SLC10A7: variants seen among roughly 807,000 people sequenced by gnomAD.
The protein encoded by SLC10A7 is solute carrier family 10 member 7, also known as sodium/bile acid cotransporter 7.
SLC10A7 carries 29 observed loss-of-function variants against 43.2 expected under a neutral mutation model. The ratio of observed to expected loss-of-function variants is 0.67; its 90% CI spans 0.50 to 0.92. The LOEUF is 0.92. SLC10A7 is among the 40% of genes least tolerant of loss of function. The pLI is 0.00. For synonymous variants in SLC10A7, 152 were observed against 144.8 expected (o/e 1.05, Z -0.35); for missense variants, 295 against 403.2 (o/e 0.73, Z 2.30).
chr4:146,418,028 A>ATGG (rs1728698390), intron 5 of SLC10A7, among the ~76,000 whole-genome samples: 1 of 151,742 alleles, frequency 6.6e-6, no homozygotes, highest in Non-Finnish European at 1.5e-5. Context: ...GATGATGATG[A>ATGG]TGATGATGAT....
chr4:146,442,059 A>G, intron 5 of SLC10A7: 1 of 978,830 alleles, frequency 1.0e-6, no homozygotes, highest in Non-Finnish European at 1.2e-6. Flanking sequence ...TAACTTCAGG[A>G]ATTTAACAAA....
chr4:146,470,500 A>T (rs951035858), intron 4 of SLC10A7, among the ~76,000 whole-genome samples: 1 of 152,064 alleles, frequency 6.6e-6, no homozygotes, highest in Non-Finnish European at 1.5e-5. Flanking sequence ...AACTACAAAG[A>T]AGGACTGCTC....
chr4:146,446,792 CTATT>C (rs1241365544), intron 4 of SLC10A7, among the ~76,000 whole-genome samples: 9 of 140,760 alleles, frequency 6.4e-5, no homozygotes, highest in South Asian at 2.3e-4. Context: ...ATCTATCTAT[CTATT>C]TATCTATCTA....
intron 5 of SLC10A7, among the ~76,000 whole-genome samples, chr4:146,391,497 G>C (rs1738425987): frequency 6.6e-6 from 1 of 152,170 alleles, no homozygotes; most frequent in Non-Finnish European, 1.5e-5. Flanking sequence ...AATTTGAGTT[G>C]AGAAATAAAG....
chr4:146,346,223 G>A (rs905536796), intron 5 of SLC10A7, among the ~76,000 whole-genome samples: 1 of 152,070 alleles, frequency 6.6e-6, no homozygotes, highest in Non-Finnish European at 1.5e-5. Flanking sequence ...GGAACTGTGT[G>A]GAATAAGTTC....
chr4:146,427,410 T>C (rs985072580), intron 5 of SLC10A7, among the ~76,000 whole-genome samples: 6 of 152,206 alleles, frequency 3.9e-5, no homozygotes, highest in African/African-American at 1.4e-4. Flanking sequence ...TGGTTTGCAC[T>C]GGTAGGAGTT....
intron 10 of SLC10A7, among the ~76,000 whole-genome samples, chr4:146,267,329 C>A (rs974701771): frequency 6.6e-6 from 1 of 152,144 alleles, no homozygotes; most frequent in Non-Finnish European, 1.5e-5. Context: ...CAGGTTTAGT[C>A]TGCACAGCCC....
intron 5 of SLC10A7, among the ~76,000 whole-genome samples, chr4:146,374,659 C>CAT (rs780184738): frequency 3.4e-5 from 4 of 116,042 alleles, no homozygotes; most frequent in East Asian, 2.1e-4. Flanking sequence ...CACACACACA[C>CAT]ACATATATAT....
At chr4:146,379,851 A>G (rs1272361774) in intron 5 of SLC10A7, among the ~76,000 whole-genome samples, 1 of 152,142 alleles carries the variant, frequency 6.6e-6, no homozygotes, top group East Asian at 1.9e-4. Context: ...GATAGCTTGA[A>G]GAATGGCCCC....
rs181019082 is a variant in SLC10A7 at position 146,423,609 on chromosome 4, C to T, written c.435+19174G>A. ...AAAGCGAGGTGGTAAAAAAGATCAACGAAGAAAAAGAAACCCAACTAACAA... is the reference window on the plus strand; with the variant it reads ...AAAGCGAGGTGGTAAAAAAGATCAATGAAGAAAAAGAAACCCAACTAACAA... On this transcript the variant is annotated intron_variant, in intron 5 of 11. Transcript: ENST00000335472. Among the ~76,000 whole-genome samples the T allele has an allele frequency of 7.9e-5, 12 of 151,996 alleles. No homozygotes were observed. The East Asian group carries it at 9.6e-4, about 12-fold the overall frequency.
intron 7 of SLC10A7, among the ~76,000 whole-genome samples, chr4:146,304,924 C>T (rs1017009381): frequency 2.2e-4 from 33 of 151,878 alleles, no homozygotes; most frequent in Admixed American, 1.1e-3. Flanking sequence ...CTTTATGAAT[C>T]TGGGTGCTCC....
intron 4 of SLC10A7, among the ~76,000 whole-genome samples, chr4:146,450,552 A>T (rs891755599): frequency 6.6e-6 from 1 of 152,174 alleles, no homozygotes; most frequent in East Asian, 1.9e-4. Flanking sequence ...AGAAATGAGA[A>T]GCACAGGCTT....
chr4:146,302,061 AC>A (rs1260812345), intron 7 of SLC10A7, among the ~76,000 whole-genome samples: 1 of 152,218 alleles, frequency 6.6e-6, no homozygotes, highest in Non-Finnish European at 1.5e-5. Context: ...ATAACCCTAG[AC>A]ATACATAATT....
chr4:146,389,317 TA>T (rs59099797), intron 5 of SLC10A7, among the ~76,000 whole-genome samples: 8 of 147,692 alleles, frequency 5.4e-5, no homozygotes, highest in Non-Finnish European at 9.0e-5. Context: ...TCTACAAAAA[TA>T]AAAAAAAAAA....
At chr4:146,280,526 T>C (rs1335041357) in intron 10 of SLC10A7, among the ~76,000 whole-genome samples, 2 of 152,066 alleles carry the variant, frequency 1.3e-5, no homozygotes, top group African/African-American at 4.8e-5. Flanking sequence ...ATAAAGTTTA[T>C]TAAAAATAAA....
intron 5 of SLC10A7, among the ~76,000 whole-genome samples, chr4:146,427,902 GGCTCAT>G (rs1729487047): frequency 6.6e-6 from 1 of 152,068 alleles, no homozygotes; most frequent in Non-Finnish European, 1.5e-5. Flanking sequence ...CAAACGCAGT[GGCTCAT>G]ACCTGTAATC....
chr4:146,370,231 A>G (rs1028183285), intron 5 of SLC10A7, among the ~76,000 whole-genome samples: 5 of 152,156 alleles, frequency 3.3e-5, no homozygotes, highest in Non-Finnish European at 7.3e-5. Flanking sequence ...CAGAGTAACA[A>G]ATTCCTTTCT....
At chr4:146,410,376 TTTAAAA>T (rs1728101640) in intron 5 of SLC10A7, among the ~76,000 whole-genome samples, 1 of 152,174 alleles carries the variant, frequency 6.6e-6, no homozygotes, top group Non-Finnish European at 1.5e-5. Flanking sequence ...CTCTACAGCT[TTTAAAA>T]TGGTCCTATT....
intron 1 of SLC10A7, 30 bp from the exon 2 acceptor site, chr4:146,517,150 A>T: frequency 6.4e-7 from 1 of 1,551,750 alleles, no homozygotes. Context: ...TTATTGCTAG[A>T]AAAGAATTTC....
Sources: gnomAD v4.1 joint callset for allele counts (sites outside exome capture counted in the v4.1 genomes callset) on GRCh38, gnomAD v4.1.1 for gene constraint, MANE v1.5 for transcripts, NCBI Gene and HGNC (gene_info 2026-07-23, HGNC 2026-07-21) for gene names.